Variants in SSR3 observed in about 807,000 individuals in gnomAD.
SSR3 encodes signal sequence receptor subunit 3.
Under a neutral mutation model 22.1 loss-of-function variants are expected in SSR3, and 10 were observed. The observed-to-expected ratio is 0.45, with a 90% confidence interval of 0.28 to 0.77. The LOEUF is 0.77. Ranked by LOEUF, SSR3 falls within the 30% of genes least tolerant of loss-of-function variation. The pLI, the probability that SSR3 is intolerant of heterozygous loss-of-function variation, is 0.13. For synonymous variants in SSR3, 104 were observed against 82.5 expected (o/e 1.26, Z -1.42); for missense variants, 181 against 220.5 (o/e 0.82, Z 1.13).
Position 156,553,668 on chromosome 3 carries a change from C to T in SSR3, c.247G>A (p.Val83Ile), listed in dbSNP as rs1476334923. ...VAFAYKNVKF[V>I]LKHKVAQKRE... Reference sequence around the variant, plus strand: ...AAACATACTTACTTGTGCTTGAGAACAAATTTCACATTCTTGTATGCAAAG... The same window carrying T: ...AAACATACTTACTTGTGCTTGAGAATAAATTTCACATTCTTGTATGCAAAG... Residue 83 changes from valine (V) to isoleucine (I), a missense_variant, in exon 2 of 5, where the codon GTT becomes ATT. Transcript: ENST00000265044. 6.2e-7 allele frequency: 1 copy of T among 1,611,174 alleles called. No homozygotes were observed. The highest frequency in any genetic ancestry group is 8.5e-7 in the Non-Finnish European group (1 of 1,179,678).
At chr3:156,543,344 T>G in intron 4 of SSR3, 75 bp from the exon 5 acceptor site, 10 of 1,127,266 alleles carry the variant, frequency 8.9e-6, no homozygotes, top group Non-Finnish European at 1.3e-5. Context: ...AGCCCATCTC[T>G]TTGGAATGTA....
intron 2 of SSR3, among the ~76,000 whole-genome samples, chr3:156,552,639 T>C (rs935569079): frequency 1.3e-5 from 2 of 152,086 alleles, no homozygotes; most frequent in Non-Finnish European, 2.9e-5. Flanking sequence ...TTTTAAGAAA[T>C]TACTTTCAAA....
Position 156,541,026 on chromosome 3 carries a change from C to T in SSR3, c.*2177G>A, listed in dbSNP as rs572266066. The T allele has an allele frequency of 2.4e-4, 36 of 149,192 alleles. No individual in the cohort carries two copies. The South Asian group carries it at 7.6e-3, about 31-fold the overall frequency. The allele number at this position is 149,192 out of a possible 1,614,324, so 9.2% of individuals were successfully genotyped here. On this transcript the variant is annotated 3_prime_UTR_variant, in exon 5 of 5. Transcript: ENST00000265044. Reference sequence around the variant, plus strand: ...TCTATTAGTACAGAAAGTTGGAAAACATCAAGATTAAAAACAGTGCTGTAG... The same window carrying T: ...TCTATTAGTACAGAAAGTTGGAAAATATCAAGATTAAAAACAGTGCTGTAG...
Position 156,553,698 on chromosome 3 carries a change from C to T in SSR3, c.217G>A (p.Val73Ile). Reference protein sequence around the residue: ...SVMTLVSTYLVAFAYKNVKFV... With the variant: ...SVMTLVSTYLIAFAYKNVKFV... ...TTCACATTCTTGTATGCAAAGGCTACCAAATATGTGCTTACTAGGGTCATC... is the reference window on the plus strand; with the variant it reads ...TTCACATTCTTGTATGCAAAGGCTATCAAATATGTGCTTACTAGGGTCATC... Residue 73 changes from valine to isoleucine, a missense_variant, in exon 2 of 5, where the codon GTA (valine) becomes ATA (isoleucine). By Grantham distance (29) the Val-to-Ile change is conservative. Coordinates refer to ENST00000265044, the MANE Select transcript of SSR3 (RefSeq NM_007107.5). 6.2e-7 allele frequency: 1 copy of T among 1,612,400 alleles called. No homozygotes were observed. Among genetic ancestry groups the T allele is most frequent in the Non-Finnish European group, 8.5e-7 (1 of 1,179,838 alleles).
chr3:156,543,136 C>T lies in SSR3; in HGVS notation c.*67G>A. On this transcript the variant is annotated 3_prime_UTR_variant, in exon 5 of 5. Transcript: ENST00000265044. ...ATCTTGTGTCTCCCACCCTGACCAC[C>T]CTGCTACTTTTCCATATACCACAGG... 2 of 1,433,522 alleles carry T rather than the reference C, an allele frequency of 1.4e-6. No homozygotes were observed. The highest frequency in any genetic ancestry group is 1.7e-5 in the Admixed American group (1 of 57,596). 88.8% of individuals were successfully genotyped at this position (1,433,522 alleles called of 1,614,324 possible). A position where few individuals can be genotyped will look rare whatever the true frequency, so the allele number is the denominator to read the frequency against.
chr3:156,550,890 A>C (rs774402214), intron 2 of SSR3, among the ~76,000 whole-genome samples: 1 of 150,500 alleles, frequency 6.6e-6, no homozygotes, highest in Non-Finnish European at 1.5e-5. Flanking sequence ...CTGAAATTCC[A>C]CTAGCATCCC....
chr3:156,543,242 T>G lies in SSR3; in HGVS notation c.519A>C (p.Ser173=). Reference sequence around the variant, plus strand: ...TAGACAGGAGGGCGATGAGTCCTGATGAAGCACTTATGGACAATATGTAGT... The same window carrying G: ...TAGACAGGAGGGCGATGAGTCCTGAGGAAGCACTTATGGACAATATGTAGT... ...TVNYILSISA[S]SGLIALLSTG... Residue 173 remains serine (S), a synonymous_variant, in exon 5 of 5, where the codon TCA becomes TCC. Coordinates refer to ENST00000265044, the MANE Select transcript of SSR3 (RefSeq NM_007107.5). 6.2e-7 allele frequency: 1 copy of G among 1,614,052 alleles called. No homozygotes were observed. The highest frequency in any genetic ancestry group is 8.5e-7 in the Non-Finnish European group (1 of 1,179,954).
chr3:156,543,322 G>A lies in SSR3; in HGVS notation c.492-53C>T, dbSNP rs541463755. 2.1e-6 allele frequency: 3 copies of A among 1,451,910 alleles called. No individual in the cohort carries two copies. In the South Asian group the frequency reaches 3.5e-5, roughly 17 times the overall value. 89.9% of individuals were successfully genotyped at this position (1,451,910 alleles called of 1,614,324 possible). ...ATGAGTAACTCCAAATTGGTTTTTT[G>A]AGAAAATAAAGAGCCCATCTCTTTG... On this transcript the variant is annotated intron_variant, in intron 4 of 4. Transcript: ENST00000265044.
At position 156,539,961 on chromosome 3, in the gene SSR3, A is replaced by T. The variant is rs1310544237; in HGVS notation, c.*3242T>A. On this transcript the variant is annotated 3_prime_UTR_variant, in exon 5 of 5. Transcript: ENST00000265044. ...TGTGCATTTACATGTGTGAGATATT[A>T]AAATGATGGTTACATGTATACATAT... is the stretch of plus-strand genomic sequence containing the variant. Among the ~76,000 whole-genome samples the T allele has an allele frequency of 6.6e-6, 1 of 152,238 alleles. No individual in the cohort carries two copies. The highest frequency in any genetic ancestry group is 1.5e-5 in the Non-Finnish European group (1 of 68,040).
At chr3:156,546,765 T>C (rs1719779264) in intron 3 of SSR3, among the ~76,000 whole-genome samples, 1 of 152,198 alleles carries the variant, frequency 6.6e-6, no homozygotes, top group Non-Finnish European at 1.5e-5. Context: ...AACTGTTAAA[T>C]GATAGATCAC....
intron 3 of SSR3, among the ~76,000 whole-genome samples, chr3:156,545,608 TAATTAA>T (rs1390745047): frequency 6.6e-6 from 1 of 152,214 alleles, no homozygotes; most frequent in Non-Finnish European, 1.5e-5. Context: ...AAATGAAGGC[TAATTAA>T]CATCTTATGC....
In SSR3 at chr3:156,544,367, C is replaced by A. The variant is rs1719682798; in HGVS notation, c.432G>T (p.Leu144=). The A allele has an allele frequency of 6.2e-7, 1 of 1,601,262 alleles. No individual in the cohort carries two copies. The highest frequency in any genetic ancestry group is 8.5e-7 in the Non-Finnish European group (1 of 1,173,716). ...TTFSIFYNNT[L]FLVVVIVASF... is the part of the protein sequence containing the mutation. ...AAGCAACAATGACCACGACCAGGAA[C>A]AGAGTGTTGTTATAGAAGATGGAAA... The change falls in exon 4 of 5, where the codon CTG becomes CTT. Residue 144 remains leucine, a synonymous_variant. Transcript: ENST00000265044.
intron 3 of SSR3, among the ~76,000 whole-genome samples, chr3:156,548,448 A>G (rs956255818): frequency 6.6e-6 from 1 of 152,228 alleles, no homozygotes; most frequent in African/African-American, 2.4e-5. Context: ...GGGTTAGGCG[A>G]TATGTTCAAG....
At position 156,541,875 on chromosome 3, in the gene SSR3, G is replaced by A. The variant is rs958805918; in HGVS notation, c.*1328C>T. 6.6e-6 allele frequency: 1 copy of A among 152,154 alleles called. No homozygotes were observed. The highest frequency in any genetic ancestry group is 1.5e-5 in the Non-Finnish European group (1 of 68,044). The allele number at this position is 152,154 out of a possible 1,614,324, so 9.4% of individuals were successfully genotyped here. A position where few individuals can be genotyped will look rare whatever the true frequency, so the allele number is the denominator to read the frequency against. ...CTGCCTGTTTTTCTTCCAAGTTCTTGCATGGAGCCCAACACATCCGATAGC... is the reference window on the plus strand; with the variant it reads ...CTGCCTGTTTTTCTTCCAAGTTCTTACATGGAGCCCAACACATCCGATAGC... On this transcript the variant is annotated 3_prime_UTR_variant, in exon 5 of 5. Coordinates refer to ENST00000265044, the MANE Select transcript of SSR3 (RefSeq NM_007107.5).
At chr3:156,545,937 C>A (rs1393742525) in intron 3 of SSR3, among the ~76,000 whole-genome samples, 1 of 152,156 alleles carries the variant, frequency 6.6e-6, no homozygotes, top group African/African-American at 2.4e-5. Context: ...TTTTAAGACT[C>A]CGGCATGAGA....
intron 2 of SSR3, among the ~76,000 whole-genome samples, chr3:156,552,346 CATGATAAAA>C (rs1482274801): frequency 2.0e-5 from 3 of 148,456 alleles, no homozygotes; most frequent in Admixed American, 2.0e-4. Context: ...ATGAGAATGA[CATGATAAAA>C]ATGATGTCAC....
intron 2 of SSR3, among the ~76,000 whole-genome samples, chr3:156,550,327 T>C (rs1428588452): frequency 6.6e-6 from 1 of 152,224 alleles, no homozygotes; most frequent in African/African-American, 2.4e-5. Context: ...AAGAGTTGGT[T>C]GTCACTATGT....
At chr3:156,553,872 C>G in intron 1 of SSR3, 91 bp from the exon 2 acceptor site, 2 of 1,324,032 alleles carry the variant, frequency 1.5e-6, no homozygotes, top group Non-Finnish European at 2.1e-6. Context: ...ATAGCTAAGC[C>G]TGGTAAAATA....
rs932688393 is a variant in SSR3 at position 156,541,226 on chromosome 3, AGGCACTGCCATCTAGT to A, written c.*1961_*1976del. On this transcript the variant is annotated 3_prime_UTR_variant, in exon 5 of 5. Coordinates refer to ENST00000265044, the MANE Select transcript of SSR3 (RefSeq NM_007107.5). Reference sequence around the variant, plus strand: ...GTGGCAATTTTTTCCCCATCTATACAGGCACTGCCATCTAGTGGCAAGTTTTCACCAGCAATTTTAA... The same window carrying A: ...GTGGCAATTTTTTCCCCATCTATACAGGCAAGTTTTCACCAGCAATTTTAA... 6.6e-6 allele frequency: 1 copy of A among 152,214 alleles called. No individual in the cohort carries two copies. The highest frequency in any genetic ancestry group is 6.5e-5 in the Admixed American group (1 of 15,288). The allele number at this position is 152,214 out of a possible 1,614,324, so 9.4% of individuals were successfully genotyped here.
Sources: allele counts gnomAD v4.1 joint callset (sites outside exome capture counted in the v4.1 genomes callset), GRCh38; gene constraint gnomAD v4.1.1; transcripts MANE v1.5; gene names NCBI Gene and HGNC (gene_info 2026-07-23, HGNC 2026-07-21).